NUP210L: variants seen among roughly 807,000 people sequenced by gnomAD.
The protein encoded by NUP210L is nuclear pore membrane glycoprotein 210-like.
NUP210L carries 74 observed loss-of-function variants against 208.5 expected under a neutral mutation model. The ratio of observed to expected loss-of-function variants is 0.35; its 90% CI spans 0.29 to 0.43. The LOEUF is 0.43. NUP210L is among the 20% of genes least tolerant of loss of function. The pLI is 1.00. For synonymous variants in NUP210L, 780 were observed against 816.9 expected, an observed-to-expected ratio of 0.95 and a Z score of 0.77; for missense variants, 1,843 against 2,289.4, an observed-to-expected ratio of 0.81 and a Z score of 3.98.
chr1:154,089,310 A>C (rs1329402307), intron 16 of NUP210L, 111 bp downstream of exon 16: 1 of 856,888 alleles, frequency 1.2e-6, no homozygotes, highest in East Asian at 2.4e-5. Context: ...GAATTACCAT[A>C]TGATCTGGCA....
At chr1:154,150,497 G>A (rs1659326045) in intron 2 of NUP210L, among the ~76,000 whole-genome samples, 1 of 152,142 alleles carries the variant, frequency 6.6e-6, no homozygotes, top group Admixed American at 6.5e-5. Flanking sequence ...GGGGGCCAAG[G>A]CGGGTGGATC....
chr1:154,105,437 C>T (rs750958434), intron 12 of NUP210L, among the ~76,000 whole-genome samples: 3 of 148,676 alleles, frequency 2.0e-5, no homozygotes, highest in Non-Finnish European at 3.0e-5. Context: ...TGCAGTGAGC[C>T]GAGATCACGC....
intron 7 of NUP210L, among the ~76,000 whole-genome samples, chr1:154,135,291 T>C (rs1452120946): frequency 2.0e-5 from 3 of 152,198 alleles, no homozygotes; most frequent in East Asian, 1.9e-4. Flanking sequence ...CAAATAAGCA[T>C]TGAAGTTAGT....
chr1:154,146,671 A>C (rs1172183830), intron 2 of NUP210L, among the ~76,000 whole-genome samples: 1 of 143,136 alleles, frequency 7.0e-6, no homozygotes, highest in Non-Finnish European at 1.5e-5. Flanking sequence ...ATGGATAAAC[A>C]CTAAAATCAG....
At chr1:154,147,438 A>G (rs1659174213) in intron 2 of NUP210L, among the ~76,000 whole-genome samples, 1 of 152,134 alleles carries the variant, frequency 6.6e-6, no homozygotes, top group East Asian at 1.9e-4. Context: ...CCTGGACTCA[A>G]GCAATCCTCC....
chr1:153,997,971 G>A lies in NUP210L; in HGVS notation c.5387-2791C>T, dbSNP rs368124585. On this transcript the variant is annotated intron_variant, in intron 37 of 39. Transcript: ENST00000368559. ...GATCCACCCGGCTCGGCCATCCAAA[G>A]TGCTGGGATTACAGGCTTGAGCCAC... 3.9e-5 allele frequency among the ~76,000 whole-genome samples: 6 copies of A among 152,068 alleles called. No homozygotes were observed. In the East Asian group the frequency reaches 7.7e-4, roughly 20 times the overall value.
At chr1:154,069,366 C>A (rs1431727679) in intron 17 of NUP210L, among the ~76,000 whole-genome samples, 1 of 152,156 alleles carries the variant, frequency 6.6e-6, no homozygotes, top group Non-Finnish European at 1.5e-5. Context: ...AATCAAACAA[C>A]CCCATCAAAA....
chr1:154,115,305 T>C (rs980223846), intron 12 of NUP210L, among the ~76,000 whole-genome samples: 4 of 152,238 alleles, frequency 2.6e-5, no homozygotes, highest in African/African-American at 9.6e-5. Flanking sequence ...AAGAGCTAGA[T>C]AGTAAACATT....
intron 16 of NUP210L, among the ~76,000 whole-genome samples, chr1:154,081,027 G>A (rs1439762221): frequency 6.7e-6 from 1 of 149,530 alleles, no homozygotes; most frequent in Non-Finnish European, 1.5e-5. Context: ...AGGAAGAAAT[G>A]GAAGAAGAGG....
At chr1:154,008,175 T>C (rs960774929) in intron 35 of NUP210L, among the ~76,000 whole-genome samples, 2 of 152,138 alleles carry the variant, frequency 1.3e-5, no homozygotes, top group African/African-American at 2.4e-5. Context: ...CCCGGCCTGA[T>C]TTATTTTTTC....
intron 12 of NUP210L, among the ~76,000 whole-genome samples, chr1:154,114,168 C>T (rs1229324222): frequency 6.6e-6 from 1 of 151,274 alleles, no homozygotes; most frequent in African/African-American, 2.4e-5. Flanking sequence ...ATTTGCCAGG[C>T]GTAGTGGTAC....
At chr1:154,058,727 G>A in intron 20 of NUP210L, 34 bp from the exon 21 acceptor site, 1 of 1,606,608 alleles carries the variant, frequency 6.2e-7, no homozygotes, top group Non-Finnish European at 8.5e-7. Context: ...GGATAAAGAA[G>A]CAAACATGCT....
chr1:154,122,088 G>A (rs1287434622), intron 10 of NUP210L, among the ~76,000 whole-genome samples: 2 of 151,938 alleles, frequency 1.3e-5, no homozygotes, highest in East Asian at 1.9e-4. Context: ...CCAATATCAG[G>A]AATTAATAAG....
chr1:154,095,260 T>G (rs992878065), intron 14 of NUP210L, 104 bp from the exon 15 acceptor site: 3 of 844,766 alleles, frequency 3.6e-6, no homozygotes, highest in African/African-American at 3.4e-5. Flanking sequence ...ACGTTAAACT[T>G]AATTCCCAAA....
At chr1:154,031,067 C>T (rs1413921282) in intron 27 of NUP210L, among the ~76,000 whole-genome samples, 1 of 152,008 alleles carries the variant, frequency 6.6e-6, no homozygotes, top group Admixed American at 6.6e-5. Flanking sequence ...CTTTCTGTTA[C>T]AGACACAATT....
rs138704327 is a variant in NUP210L at position 154,015,957 on chromosome 1, A to T, written c.4653+2976T>A. 1.8e-3 allele frequency among the ~76,000 whole-genome samples: 265 copies of T among 146,780 alleles called. 3 individuals carry two copies. The highest frequency in any genetic ancestry group is 5.2e-3 in the African/African-American group (199 of 38,586). ...ATAAATAAATAAATAAATAAATAAAAATAAAAAAAATAGATGGCTAGGTGC... is the reference window on the plus strand; with the variant it reads ...ATAAATAAATAAATAAATAAATAAATATAAAAAAAATAGATGGCTAGGTGC... On this transcript the variant is annotated intron_variant, in intron 33 of 39. Transcript: ENST00000368559.
intron 2 of NUP210L, among the ~76,000 whole-genome samples, chr1:154,146,269 C>G (rs927484172): frequency 1.3e-5 from 2 of 151,918 alleles, no homozygotes; most frequent in Admixed American, 6.6e-5. Context: ...AATATAGCCC[C>G]CAAATTAAAT....
chr1:154,100,809 C>T (rs1035738257), intron 13 of NUP210L, among the ~76,000 whole-genome samples: 2 of 151,526 alleles, frequency 1.3e-5, no homozygotes, highest in Non-Finnish European at 2.9e-5. Context: ...TGAGCCACCG[C>T]ACCCAGCCAC....
intron 4 of NUP210L, among the ~76,000 whole-genome samples, chr1:154,140,672 A>T (rs542989944): frequency 6.7e-6 from 1 of 149,490 alleles, no homozygotes; most frequent in Admixed American, 6.6e-5. Flanking sequence ...ATCTCAAAAA[A>T]AAAAACAGAA....
Sources: allele counts gnomAD v4.1 joint callset (sites outside exome capture counted in the v4.1 genomes callset), GRCh38; gene constraint gnomAD v4.1.1; transcripts MANE v1.5; gene names NCBI Gene and HGNC (gene_info 2026-07-23, HGNC 2026-07-21).